RNGTT: variants seen among roughly 807,000 people sequenced by gnomAD.
The protein encoded by RNGTT is RNA guanylyltransferase and 5'-phosphatase.
In RNGTT, 33 loss-of-function variants were observed where a neutral mutation model predicts 79.3. The ratio of observed to expected loss-of-function variants is 0.42; its 90% CI spans 0.32 to 0.56. RNGTT has a LOEUF of 0.56. Among genes scored for constraint, RNGTT ranks in the 20% least tolerant of loss-of-function variants. The pLI is 0.17. For synonymous variants in RNGTT, 222 were observed against 235.9 expected (o/e 0.94, Z 0.54); for missense variants, 497 against 739.1 (o/e 0.67, Z 3.80).
chr6:88,779,212 T>G (rs1778983676), intron 12 of RNGTT, among the ~76,000 whole-genome samples: 1 of 152,182 alleles, frequency 6.6e-6, no homozygotes, highest in African/African-American at 2.4e-5. Context: ...AGTAAGTTTG[T>G]GTAGCTTGAA....
At chr6:88,658,400 T>G (rs1345285075) in intron 14 of RNGTT, among the ~76,000 whole-genome samples, 1 of 152,202 alleles carries the variant, frequency 6.6e-6, no homozygotes, top group Non-Finnish European at 1.5e-5. Context: ...CTGGAAGATC[T>G]GAAGATGGTT....
At chr6:88,798,326 G>A (rs940664443) in intron 12 of RNGTT, among the ~76,000 whole-genome samples, 7 of 151,986 alleles carry the variant, frequency 4.6e-5, no homozygotes, top group African/African-American at 1.4e-4. Flanking sequence ...TTAGCAAGGC[G>A]TGGTGGTGCG....
At chr6:88,890,443 A>G in intron 8 of RNGTT, 52 bp downstream of exon 8, 1 of 1,115,712 alleles carries the variant, frequency 9.0e-7, no homozygotes, top group Non-Finnish European at 1.3e-6. Context: ...ATAAAACAAT[A>G]TTCTTCAAGC....
intron 8 of RNGTT, among the ~76,000 whole-genome samples, chr6:88,887,521 GT>G (rs1191507593): frequency 2.0e-5 from 3 of 152,136 alleles, no homozygotes; most frequent in Non-Finnish European, 4.4e-5. Flanking sequence ...CTAAAACAGA[GT>G]AGGTATTCAA....
chr6:88,643,245 T>C (rs1773394143), intron 14 of RNGTT, among the ~76,000 whole-genome samples: 1 of 152,062 alleles, frequency 6.6e-6, no homozygotes, highest in Non-Finnish European at 1.5e-5. Context: ...AGAGCATAAA[T>C]CCTATTTTAT....
chr6:88,871,409 C>T (rs1044301594), intron 8 of RNGTT, among the ~76,000 whole-genome samples: 6 of 151,568 alleles, frequency 4.0e-5, no homozygotes, highest in Admixed American at 3.9e-4. Context: ...TCCTGAAAGT[C>T]CACAAAATTA....
intron 13 of RNGTT, among the ~76,000 whole-genome samples, chr6:88,756,338 C>T (rs1041637820): frequency 1.3e-5 from 2 of 151,656 alleles, no homozygotes; most frequent in African/African-American, 4.8e-5. Context: ...CCAGGCGTGA[C>T]GGTGCGCGCC....
At chr6:88,619,541 T>C (rs1376948769) in intron 14 of RNGTT, among the ~76,000 whole-genome samples, 1 of 152,170 alleles carries the variant, frequency 6.6e-6, no homozygotes, top group Non-Finnish European at 1.5e-5. Context: ...CTGCCACAAC[T>C]TATTTTGGTC....
chr6:88,627,445 G>GTGTGCTGGTTACATATAACTATCTCC (rs1772676087), intron 14 of RNGTT, among the ~76,000 whole-genome samples: 2 of 152,118 alleles, frequency 1.3e-5, no homozygotes, highest in South Asian at 4.2e-4. Context: ...TTTTAGAAAT[G>GTGTGCTGGTTACATATAACTATCTCC]TGTGCTGGTT....
chr6:88,792,467 C>T (rs1290002780), intron 12 of RNGTT, among the ~76,000 whole-genome samples: 1 of 152,138 alleles, frequency 6.6e-6, no homozygotes, highest in Non-Finnish European at 1.5e-5. Context: ...CTTAAGTATT[C>T]TTTCTTTTAA....
intron 8 of RNGTT, among the ~76,000 whole-genome samples, chr6:88,865,993 A>G (rs890206525): frequency 2.6e-5 from 4 of 152,200 alleles, no homozygotes; most frequent in Non-Finnish European, 5.9e-5. Context: ...AAGAAATATA[A>G]TAACTGTCAT....
At chr6:88,832,627 T>G (rs1249257472) in intron 11 of RNGTT, among the ~76,000 whole-genome samples, 1 of 152,166 alleles carries the variant, frequency 6.6e-6, no homozygotes, top group African/African-American at 2.4e-5. Flanking sequence ...CAAAAGAAAT[T>G]ATCATCAGAA....
At chr6:88,663,442 C>A (rs1774264907) in intron 14 of RNGTT, among the ~76,000 whole-genome samples, 1 of 152,184 alleles carries the variant, frequency 6.6e-6, no homozygotes, top group African/African-American at 2.4e-5. Flanking sequence ...TACTTGGTTG[C>A]AGCTAGTTTT....
chr6:88,628,278 ATATC>A (rs1324366878), intron 14 of RNGTT, among the ~76,000 whole-genome samples: 2 of 152,074 alleles, frequency 1.3e-5, no homozygotes, highest in East Asian at 1.9e-4. Context: ...CATTCCCTAA[ATATC>A]TTCTCCCCTA....
intron 8 of RNGTT, among the ~76,000 whole-genome samples, chr6:88,865,331 G>C (rs1458942450): frequency 6.6e-6 from 1 of 152,016 alleles, no homozygotes; most frequent in East Asian, 1.9e-4. Flanking sequence ...CCAAAGAAGA[G>C]TTAGAGTTGG....
chr6:88,664,676 A>G (rs1217188674), intron 14 of RNGTT, among the ~76,000 whole-genome samples: 2 of 152,152 alleles, frequency 1.3e-5, no homozygotes, highest in East Asian at 3.9e-4. Flanking sequence ...TTGGAAAGAT[A>G]AGTGCCCTCA....
chr6:88,950,919 C>T (rs905769592), intron 1 of RNGTT, among the ~76,000 whole-genome samples: 11 of 150,310 alleles, frequency 7.3e-5, no homozygotes, highest in African/African-American at 9.9e-5. Flanking sequence ...AATACAGTGG[C>T]GCGACCTTGG....
At chr6:88,788,207 T>A (rs9344871) in intron 12 of RNGTT, among the ~76,000 whole-genome samples, 20,828 of 152,132 alleles carry the variant, frequency 0.14, 1,560 homozygotes, top group Middle Eastern at 0.24. Context: ...CTGATAAAAA[T>A]GAACTAAATT....
rs145062533 is a variant in RNGTT at position 88,644,847 on chromosome 6, G to A, written c.1507-30452C>T. Among the ~76,000 whole-genome samples, 315 of 152,250 alleles carry A rather than the reference G, an allele frequency of 2.1e-3. 2 individuals carry two copies. The highest frequency in any genetic ancestry group is 7.3e-3 in the African/African-American group (305 of 41,546). On this transcript the variant is annotated intron_variant, in intron 14 of 15. Coordinates refer to ENST00000369485, the MANE Select transcript of RNGTT (RefSeq NM_003800.5). ...TCAATAAATTAGCTATTGATGGGGCGTATCTCAAAACAATAAGAGCTATTT... is the reference window on the plus strand; with the variant it reads ...TCAATAAATTAGCTATTGATGGGGCATATCTCAAAACAATAAGAGCTATTT...
Sources: gnomAD v4.1 joint callset for allele counts (sites outside exome capture counted in the v4.1 genomes callset) on GRCh38, gnomAD v4.1.1 for gene constraint, MANE v1.5 for transcripts, NCBI Gene and HGNC (gene_info 2026-07-23, HGNC 2026-07-21) for gene names.